Variants in MOXD1 observed in about 807,000 individuals in gnomAD.
MOXD1 encodes monooxygenase DBH like 1.
In MOXD1, 62 loss-of-function variants were observed where a neutral mutation model predicts 66.6. The ratio of observed to expected loss-of-function variants is 0.93; its 90% CI spans 0.76 to 1.15. The LOEUF (loss-of-function observed/expected upper bound fraction) is 1.15, where lower values mean the gene tolerates loss of function less well. Among genes scored for constraint, MOXD1 ranks in the 50% most tolerant of loss-of-function variants. The pLI is 0.00. For synonymous variants in MOXD1, 303 were observed against 281.9 expected (o/e 1.07, Z -0.75); for missense variants, 847 against 754.6 (o/e 1.12, Z -1.44).
At chr6:132,385,080 T>C (rs1264078804) in intron 1 of MOXD1, among the ~76,000 whole-genome samples, 1 of 152,108 alleles carries the variant, frequency 6.6e-6, no homozygotes, top group Non-Finnish European at 1.5e-5. Context: ...ATGGGTTTTA[T>C]ATATTGGGTG....
chr6:132,352,420 T>G (rs1232174684), intron 4 of MOXD1, among the ~76,000 whole-genome samples: 1 of 152,236 alleles, frequency 6.6e-6, no homozygotes, highest in African/African-American at 2.4e-5. Flanking sequence ...GGTTATTTAA[T>G]TTCCATGTAT....
chr6:132,395,163 G>T (rs1237400021), intron 1 of MOXD1, among the ~76,000 whole-genome samples: 1 of 151,518 alleles, frequency 6.6e-6, no homozygotes, highest in African/African-American at 2.4e-5. Flanking sequence ...ATGCTGAAAG[G>T]AAAAAAAACT....
At chr6:132,393,248 G>A (rs1446553944) in intron 1 of MOXD1, among the ~76,000 whole-genome samples, 1 of 152,140 alleles carries the variant, frequency 6.6e-6, no homozygotes, top group Non-Finnish European at 1.5e-5. Context: ...AACAGAGAAA[G>A]GATGCATGTA....
At position 132,374,757 on chromosome 6, in the gene MOXD1, A is replaced by G. The variant is rs1306291110; in HGVS notation, c.285T>C (p.Asn95=). 6.2e-6 allele frequency: 10 copies of G among 1,613,722 alleles called. No homozygotes were observed. The highest frequency in any genetic ancestry group is 8.5e-6 in the Non-Finnish European group (10 of 1,179,734). ...PYLQDYFTNA[N]RELKKDAQQD... is the part of the protein sequence containing the mutation. The stretch of plus-strand genomic sequence containing the variant: ...GCTGAGCATCTTTTTTCAACTCTCT[A>G]TTTGCATTTGTAAAATAATCCTGTG... The change falls in exon 2 of 12, where the codon AAT becomes AAC. Residue 95 remains asparagine, a synonymous_variant. Coordinates refer to ENST00000367963, the MANE Select transcript of MOXD1 (RefSeq NM_015529.4).
chr6:132,331,861 C>T (rs138268198), intron 4 of MOXD1, among the ~76,000 whole-genome samples: 39 of 152,108 alleles, frequency 2.6e-4, no homozygotes, highest in African/African-American at 8.9e-4. Context: ...AAGTTGCTGC[C>T]GGTGGGAGGG....
intron 9 of MOXD1, among the ~76,000 whole-genome samples, chr6:132,317,665 TATA>T (rs1450621767): frequency 1.3e-5 from 2 of 152,122 alleles, no homozygotes; most frequent in Non-Finnish European, 2.9e-5. Context: ...AAATACCCAC[TATA>T]ATAATAACTC....
At chr6:132,304,304 C>A (rs1774637779) in intron 10 of MOXD1, among the ~76,000 whole-genome samples, 4 of 152,094 alleles carry the variant, frequency 2.6e-5, no homozygotes, top group Admixed American at 2.6e-4. Flanking sequence ...ACTGCTGGTG[C>A]CTTGATTTTG....
At chr6:132,312,438 C>T (rs1774850364) in intron 10 of MOXD1, among the ~76,000 whole-genome samples, 1 of 152,048 alleles carries the variant, frequency 6.6e-6, no homozygotes, top group Non-Finnish European at 1.5e-5. Context: ...TTTGAGCCAG[C>T]ACCTTGTTAG....
intron 2 of MOXD1, 93 bp downstream of exon 2, chr6:132,374,538 G>A (rs566742029): frequency 6.8e-6 from 7 of 1,031,472 alleles, no homozygotes; most frequent in African/African-American, 6.5e-5. Flanking sequence ...TTAGAAAAAA[G>A]ACTATATGAC....
intron 1 of MOXD1, among the ~76,000 whole-genome samples, chr6:132,383,877 C>A (rs778732948): frequency 7.8e-4 from 118 of 152,064 alleles, no homozygotes; most frequent in Non-Finnish European, 1.2e-3. Context: ...TGAGGCAAGC[C>A]TGGCCAAAAT....
At chr6:132,360,926 C>G (rs1776006393) in intron 4 of MOXD1, among the ~76,000 whole-genome samples, 1 of 152,136 alleles carries the variant, frequency 6.6e-6, no homozygotes, top group Non-Finnish European at 1.5e-5. Context: ...ACCAAAGTGT[C>G]TCTCCTATAT....
At chr6:132,297,447 C>G (rs1476307308) in intron 11 of MOXD1, 130 bp from the exon 12 acceptor site, 1 of 922,630 alleles carries the variant, frequency 1.1e-6, no homozygotes, top group East Asian at 2.5e-5. Context: ...GAGTCACACA[C>G]TGGGGGAGTC....
intron 1 of MOXD1, among the ~76,000 whole-genome samples, chr6:132,385,170 G>C (rs557946929): frequency 1.3e-5 from 2 of 152,192 alleles, no homozygotes; most frequent in Non-Finnish European, 2.9e-5. Context: ...TGTAGAGATG[G>C]GGAAGCCTGG....
chr6:132,298,038 C>A (rs1774450636), intron 10 of MOXD1, 83 bp from the exon 11 acceptor site: 7 of 1,207,962 alleles, frequency 5.8e-6, no homozygotes, highest in Non-Finnish European at 7.8e-6. Flanking sequence ...TAAAATAGAT[C>A]TCACACTTAT....
chr6:132,391,935 T>C (rs1241346586), intron 1 of MOXD1: 1 of 369,234 alleles, frequency 2.7e-6, no homozygotes, highest in East Asian at 5.3e-5. Context: ...GGAGCATGTG[T>C]CCTTATTACT....
intron 4 of MOXD1, among the ~76,000 whole-genome samples, chr6:132,340,406 T>C (rs1396320677): frequency 6.6e-6 from 1 of 151,440 alleles, no homozygotes; most frequent in Non-Finnish European, 1.5e-5. Flanking sequence ...TCTTGTTTGC[T>C]CTGAGAAATG....
chr6:132,359,087 G>T (rs567050865), intron 4 of MOXD1, among the ~76,000 whole-genome samples: 82 of 151,604 alleles, frequency 5.4e-4, no homozygotes, highest in African/African-American at 1.9e-3. Flanking sequence ...GAACTGAAAG[G>T]CCATCGTCCT....
At chr6:132,340,092 A>C (rs921438592) in intron 4 of MOXD1, among the ~76,000 whole-genome samples, 1 of 151,966 alleles carries the variant, frequency 6.6e-6, no homozygotes, top group Non-Finnish European at 1.5e-5. Context: ...CTGGTCTCAA[A>C]CTGGCTGGTC....
rs760606911 is a variant in MOXD1, at chr6:132,333,550, C to A, written c.664-4956G>T. On this transcript the variant is annotated intron_variant, in intron 4 of 11. Transcript: ENST00000367963. Reference sequence around the variant, plus strand: ...ATACGAATATAGATATATTGGTATTCCTGACACTGGAATGAACATTTAATT... The same window carrying A: ...ATACGAATATAGATATATTGGTATTACTGACACTGGAATGAACATTTAATT... Among the ~76,000 whole-genome samples, 4 of 152,186 alleles carry A rather than the reference C, an allele frequency of 2.6e-5. 1 individual carries two copies. In the South Asian group the frequency reaches 8.3e-4, roughly 32 times the overall value.
Sources: gnomAD v4.1 joint callset for allele counts (sites outside exome capture counted in the v4.1 genomes callset) on GRCh38, gnomAD v4.1.1 for gene constraint, MANE v1.5 for transcripts, NCBI Gene and HGNC (gene_info 2026-07-23, HGNC 2026-07-21) for gene names.